Variants in ZNF385D observed in about 807,000 individuals in gnomAD.
The protein encoded by ZNF385D is zinc finger protein 385D.
Under a neutral mutation model 35.8 loss-of-function variants are expected in ZNF385D, and 15 were observed. The observed-to-expected ratio is 0.42, with a 90% CI of 0.28 to 0.64. The LOEUF (loss-of-function observed/expected upper bound fraction) is 0.64, where lower values mean the gene tolerates loss of function less well. ZNF385D is among the 30% of genes least tolerant of loss of function. The pLI is 0.23. For missense variants in ZNF385D, 474 were observed against 494.6 expected, an observed-to-expected ratio of 0.96 and a Z score of 0.39; for synonymous variants, 212 against 186.8, an observed-to-expected ratio of 1.13 and a Z score of -1.10.
At chr3:21,703,321 A>G (rs894414143) in intron 1 of ZNF385D, among the ~76,000 whole-genome samples, 1 of 152,136 alleles carries the variant, frequency 6.6e-6, no homozygotes, top group Non-Finnish European at 1.5e-5. Flanking sequence ...TAGCATGAGA[A>G]AGAACAGCCC....
In ZNF385D at chr3:22,107,026, G is replaced by GTTTTTTTTTTTTTTTTTTTTTTTTTTTT. The variant is rs10676871; in HGVS notation, c.325+61790_325+61791insAAAAAAAAAAAAAAAAAAAAAAAAAAAA. Among the ~76,000 whole-genome samples the GTTTTTTTTTTTTTTTTTTTTTTTTTTTT allele has an allele frequency of 4.2e-3, 495 of 118,700 alleles. 86 individuals carry two copies. Among genetic ancestry groups the GTTTTTTTTTTTTTTTTTTTTTTTTTTTT allele is most frequent in the Middle Eastern group, 0.019 (4 of 208 alleles). The allele number at this position is 118,700 out of a possible 152,430, so 77.9% of individuals were successfully genotyped here. ...TTTATGCAAAAACTTTGGAATGAGA[G>GTTTTTTTTTTTTTTTTTTTTTTTTTTTT]TTTTTTTTTTTTTTTTAGACAGAGT... is the stretch of plus-strand genomic sequence containing the variant. On this transcript the variant is annotated intron_variant, in intron 3 of 5. Transcript: ENST00000494108.
chr3:21,974,735 C>G (rs1703484431), intron 3 of ZNF385D, among the ~76,000 whole-genome samples: 1 of 151,744 alleles, frequency 6.6e-6, no homozygotes, highest in South Asian at 2.1e-4. Flanking sequence ...GAAAAAAAAC[C>G]AATCCAATTT....
intron 2 of ZNF385D, among the ~76,000 whole-genome samples, chr3:22,283,750 G>A (rs1009472708): frequency 3.9e-5 from 6 of 152,076 alleles, no homozygotes; most frequent in African/African-American, 1.2e-4. Flanking sequence ...CTGTTCCCTA[G>A]CACAGTGATC....
intron 3 of ZNF385D, among the ~76,000 whole-genome samples, chr3:21,831,460 T>C (rs1365783459): frequency 6.6e-6 from 1 of 152,194 alleles, no homozygotes; most frequent in East Asian, 1.9e-4. Flanking sequence ...ATCCCTAGAC[T>C]GGGAATAAGA....
intron 3 of ZNF385D, among the ~76,000 whole-genome samples, chr3:22,155,298 T>C (rs2125728184): frequency 6.6e-6 from 1 of 152,214 alleles, no homozygotes; most frequent in East Asian, 1.9e-4. Context: ...ATGTGGGGTC[T>C]CCGCTTTGAT....
chr3:21,923,759 G>T (rs1337877086), intron 3 of ZNF385D, among the ~76,000 whole-genome samples: 1 of 152,126 alleles, frequency 6.6e-6, no homozygotes, highest in Non-Finnish European at 1.5e-5. Flanking sequence ...TGCAGGAACA[G>T]AAAACCAAAT....
At chr3:22,035,565 T>C (rs1698261628) in intron 3 of ZNF385D, among the ~76,000 whole-genome samples, 1 of 152,222 alleles carries the variant, frequency 6.6e-6, no homozygotes, top group Non-Finnish European at 1.5e-5. Flanking sequence ...GAGTGCTTGC[T>C]TAAGTAATTG....
chr3:21,983,441 T>A lies in ZNF385D; in HGVS notation c.325+185376A>T, dbSNP rs1238281429. ...TTGGTTTTTTGTTCTTGCGATAGTT[T>A]ACTGAGAATGATGGTTTCCAATTTC... On this transcript the variant is annotated intron_variant, in intron 3 of 5. Transcript: ENST00000494108. 1.2e-4 allele frequency among the ~76,000 whole-genome samples: 13 copies of A among 112,060 alleles called. No homozygotes were observed. The East Asian group carries it at 2.9e-3, about 25-fold the overall frequency. The allele number at this position is 112,060 out of a possible 152,430, so 73.5% of individuals were successfully genotyped here. A position where few individuals can be genotyped will look rare whatever the true frequency, so the allele number is the denominator to read the frequency against.
intron 3 of ZNF385D, among the ~76,000 whole-genome samples, chr3:21,792,324 C>A (rs1240845564): frequency 6.6e-6 from 1 of 152,138 alleles, no homozygotes; most frequent in Non-Finnish European, 1.5e-5. Flanking sequence ...GACAACCACT[C>A]TTTGTCTCTA....
chr3:21,613,132 G>A (rs1384892508), intron 2 of ZNF385D, among the ~76,000 whole-genome samples: 1 of 151,754 alleles, frequency 6.6e-6, no homozygotes, highest in Non-Finnish European at 1.5e-5. Context: ...TGAGTGGAAA[G>A]AATGTTCTTA....
chr3:22,318,222 C>A (rs75053971), intron 2 of ZNF385D, among the ~76,000 whole-genome samples: 3,067 of 151,898 alleles, frequency 0.02, 59 homozygotes, highest in East Asian at 0.072. Flanking sequence ...CAAATGGAAG[C>A]AAATAAAGAT....
intron 3 of ZNF385D, among the ~76,000 whole-genome samples, chr3:21,800,406 C>T (rs571780954): frequency 2.8e-4 from 43 of 152,020 alleles, no homozygotes; most frequent in Non-Finnish European, 6.2e-4. Context: ...TTACTTAAGT[C>T]TTCTTTAAAT....
chr3:21,479,959 C>T (rs371614665), intron 4 of ZNF385D, among the ~76,000 whole-genome samples: 2 of 152,122 alleles, frequency 1.3e-5, no homozygotes, highest in South Asian at 2.1e-4. Flanking sequence ...ATAAAATCTA[C>T]AGCCATCAGA....
At chr3:22,047,502 GT>G (rs1699075818) in intron 3 of ZNF385D, among the ~76,000 whole-genome samples, 1 of 152,042 alleles carries the variant, frequency 6.6e-6, no homozygotes, top group East Asian at 1.9e-4. Context: ...TGTGGTATTT[GT>G]CTTTCTGTGC....
At chr3:21,451,650 T>C (rs773834362) in intron 4 of ZNF385D, among the ~76,000 whole-genome samples, 40 of 152,174 alleles carry the variant, frequency 2.6e-4, no homozygotes, top group South Asian at 1.0e-3. Flanking sequence ...ATAAAACAAA[T>C]GCATGACAAA....
intron 1 of ZNF385D, among the ~76,000 whole-genome samples, chr3:21,673,770 G>A (rs1042731757): frequency 5.3e-5 from 8 of 152,078 alleles, no homozygotes; most frequent in Non-Finnish European, 7.4e-5. Flanking sequence ...AACCAAGCAC[G>A]CATAAAGGAG....
chr3:21,865,789 T>C (rs1464182204), intron 3 of ZNF385D, among the ~76,000 whole-genome samples: 3 of 152,268 alleles, frequency 2.0e-5, no homozygotes, highest in East Asian at 3.9e-4. Context: ...GCACCAGTAA[T>C]TGATCTAGTT....
At chr3:21,876,145 G>C (rs573524172) in intron 3 of ZNF385D, among the ~76,000 whole-genome samples, 16 of 151,780 alleles carry the variant, frequency 1.1e-4, no homozygotes, top group African/African-American at 3.6e-4. Flanking sequence ...TTTGCATCTT[G>C]TAAGTGTAAA....
In ZNF385D at chr3:22,143,059, T is replaced by TTGTGTGTGTGTG. The variant is rs57448532; in HGVS notation, c.325+25746_325+25757dup. On this transcript the variant is annotated intron_variant, in intron 3 of 5. Transcript: ENST00000494108. ...CATTTGATATATTCTATTAAATCGG[T>TTGTGTGTGTGTG]TGTGTGTGTGTGTGTGTGTGTGTGT... is the stretch of plus-strand genomic sequence containing the variant. Among the ~76,000 whole-genome samples, 412 of 140,984 alleles carry TTGTGTGTGTGTG rather than the reference T, an allele frequency of 2.9e-3. 4 individuals are homozygous for TTGTGTGTGTGTG. The highest frequency in any genetic ancestry group is 8.7e-3 in the African/African-American group (322 of 36,838). 92.5% of individuals were successfully genotyped at this position (140,984 alleles called of 152,430 possible). A position where few individuals can be genotyped will look rare whatever the true frequency, so the allele number is the denominator to read the frequency against.
Sources: gnomAD v4.1 joint callset for allele counts (sites outside exome capture counted in the v4.1 genomes callset) on GRCh38, gnomAD v4.1.1 for gene constraint, MANE v1.5 for transcripts, NCBI Gene and HGNC (gene_info 2026-07-23, HGNC 2026-07-21) for gene names.